MYO9A: variants seen among roughly 807,000 people sequenced by gnomAD.
MYO9A encodes unconventional myosin-IXa.
Under a neutral mutation model 293.3 loss-of-function variants are expected in MYO9A, and 103 were observed. The ratio of observed to expected loss-of-function variants is 0.35; its 90% CI spans 0.30 to 0.41. The LOEUF (loss-of-function observed/expected upper bound fraction) is 0.41. MYO9A is among the 10% of genes least tolerant of loss of function. MYO9A has a pLI of 1.00. For missense variants in MYO9A, 2,685 were observed against 3,033.0 expected (o/e 0.89, Z 2.69); for synonymous variants, 1,001 against 1,035.7 (o/e 0.97, Z 0.64).
rs573733248 is a variant in MYO9A, at chr15:72,093,853, C to T, written c.-72+23827G>A. Among the ~76,000 whole-genome samples the T allele has an allele frequency of 2.2e-5, 2 of 90,378 alleles. 1 individual carries two copies. Among genetic ancestry groups the T allele is most frequent in the East Asian group, 4.7e-4 (2 of 4,258 alleles). The allele number at this position is 90,378 out of a possible 152,430, so 59.3% of individuals were successfully genotyped here. Reference sequence around the variant, plus strand: ...AGTGAGCCGAGACTGTGCCACTGCACTCCAGCCTGGGCAACAGAGTGAGAC... The same window carrying T: ...AGTGAGCCGAGACTGTGCCACTGCATTCCAGCCTGGGCAACAGAGTGAGAC... On this transcript the variant is annotated intron_variant, in intron 1 of 41. Transcript: ENST00000356056.
Position 71,883,460 on chromosome 15 carries a change from T to C in MYO9A, c.5398+134A>G, listed in dbSNP as rs546028542. 8 of 909,416 alleles carry C rather than the reference T, an allele frequency of 8.8e-6. No individual in the cohort carries two copies. In the African/African-American group the frequency reaches 1.2e-4, roughly 13 times the overall value. The allele number at this position is 909,416 out of a possible 1,614,324, so 56.3% of individuals were successfully genotyped here. On this transcript the variant is annotated intron_variant, in intron 28 of 41. Transcript: ENST00000356056. ...TTTATTTTTTAGTTAAGGAAGGATT[T>C]AACAATGCTGGTCCTATCTCATTAG...
intron 2 of MYO9A, among the ~76,000 whole-genome samples, chr15:72,033,908 C>G (rs1442731707): frequency 6.6e-6 from 1 of 152,300 alleles, no homozygotes; most frequent in East Asian, 1.9e-4. Context: ...AGAGATGATT[C>G]ATTGCGGAGC....
At chr15:71,894,956 TATG>T in intron 25 of MYO9A, among the ~76,000 whole-genome samples, 2 of 152,324 alleles carry the variant, frequency 1.3e-5, no homozygotes, top group Non-Finnish European at 2.9e-5. Flanking sequence ...GACACTAACT[TATG>T]ATACTAGTTG....
intron 12 of MYO9A, among the ~76,000 whole-genome samples, chr15:71,973,932 C>T (rs1567335277): frequency 6.6e-6 from 1 of 152,126 alleles, no homozygotes; most frequent in African/African-American, 2.4e-5. Flanking sequence ...CTTCCAATGG[C>T]TATGTGGCAG....
At chr15:71,850,851 A>G (rs1170084074) in intron 37 of MYO9A, among the ~76,000 whole-genome samples, 1 of 150,706 alleles carries the variant, frequency 6.6e-6, no homozygotes, top group African/African-American at 2.4e-5. Flanking sequence ...TTTCTTCTCA[A>G]CTACTGCTGA....
chr15:71,892,375 A>G (rs2057202666), intron 26 of MYO9A: 1 of 152,200 alleles, frequency 6.6e-6, no homozygotes, highest in African/African-American at 2.4e-5. Flanking sequence ...GTGGAAAGTG[A>G]GGTGGAGGAA....
intron 8 of MYO9A, among the ~76,000 whole-genome samples, chr15:72,000,262 C>T (rs564050039): frequency 1.3e-5 from 2 of 152,282 alleles, no homozygotes; most frequent in African/African-American, 4.8e-5. Flanking sequence ...ATGCTGGAGG[C>T]AAGGACTAAA....
intron 16 of MYO9A, among the ~76,000 whole-genome samples, chr15:71,935,982 C>T (rs530235819): frequency 6.6e-6 from 1 of 151,714 alleles, no homozygotes; most frequent in African/African-American, 2.4e-5. Context: ...CTAAACATTG[C>T]AGATATAGCA....
At chr15:72,099,509 G>A (rs2080192339) in intron 1 of MYO9A, among the ~76,000 whole-genome samples, 1 of 151,562 alleles carries the variant, frequency 6.6e-6, no homozygotes, top group Non-Finnish European at 1.5e-5. Context: ...TCCTGAGGTG[G>A]TAGAATCACT....
rs1224710081 is a variant in MYO9A at position 71,991,244 on chromosome 15, A to C, written c.1588-7T>G. 2 of 1,569,294 alleles carry C rather than the reference A, an allele frequency of 1.3e-6. No individual in the cohort carries two copies. Among genetic ancestry groups the C allele is most frequent in the Non-Finnish European group, 1.7e-6 (2 of 1,159,432 alleles). Reference sequence around the variant, plus strand: ...GAACACCAATAGACAATGTCTGTAAAACAAGAGAAAGTTTTGATTAAAAGT... The same window carrying C: ...GAACACCAATAGACAATGTCTGTAACACAAGAGAAAGTTTTGATTAAAAGT... On this transcript the variant is annotated splice_polypyrimidine_tract_variant and splice_region_variant and intron_variant, in intron 10 of 41. Transcript: ENST00000356056.
chr15:72,113,389 A>G (rs2080851849), intron 1 of MYO9A, among the ~76,000 whole-genome samples: 1 of 152,226 alleles, frequency 6.6e-6, no homozygotes, highest in African/African-American at 2.4e-5. Flanking sequence ...CAAATGTAAA[A>G]GACGAGAGAG....
intron 1 of MYO9A, among the ~76,000 whole-genome samples, chr15:72,072,717 A>G (rs935071117): frequency 5.9e-5 from 9 of 152,186 alleles, no homozygotes; most frequent in Non-Finnish European, 1.3e-4. Context: ...ATAGATGGAC[A>G]TAAGGATGAA....
chr15:71,964,034 T>TATCC (rs2075810028), intron 13 of MYO9A, among the ~76,000 whole-genome samples: 2 of 152,232 alleles, frequency 1.3e-5, no homozygotes, highest in Non-Finnish European at 2.9e-5. Flanking sequence ...TAATGGAATT[T>TATCC]ATCCATTTTT....
chr15:72,098,258 C>T (rs944380630), intron 1 of MYO9A, among the ~76,000 whole-genome samples: 3 of 151,628 alleles, frequency 2.0e-5, no homozygotes, highest in Non-Finnish European at 4.4e-5. Context: ...TTCCACTGAC[C>T]ATGCCCTGAC....
At chr15:71,954,977 TAAAC>T (rs2059144549) in intron 14 of MYO9A, among the ~76,000 whole-genome samples, 1 of 152,234 alleles carries the variant, frequency 6.6e-6, no homozygotes, top group South Asian at 2.1e-4. Context: ...TTGATGAATT[TAAAC>T]AAACGTTTAC....
At chr15:71,990,089 A>ATTTT (rs71133942) in intron 11 of MYO9A, among the ~76,000 whole-genome samples, 2 of 142,978 alleles carry the variant, frequency 1.4e-5, no homozygotes, top group African/African-American at 5.2e-5. Flanking sequence ...TATATAAGCA[A>ATTTT]TTTTTTTTTT....
chr15:71,853,323 A>C (rs1214463921), intron 35 of MYO9A, among the ~76,000 whole-genome samples: 1 of 152,240 alleles, frequency 6.6e-6, no homozygotes, highest in Non-Finnish European at 1.5e-5. Flanking sequence ...AAGGACAGTG[A>C]TAACTGAGCT....
intron 1 of MYO9A, among the ~76,000 whole-genome samples, chr15:72,084,699 T>C (rs545548952): frequency 2.0e-5 from 3 of 152,298 alleles, no homozygotes; most frequent in African/African-American, 7.2e-5. Context: ...TTGAAAAGGA[T>C]CTTATTTCCC....
At chr15:72,081,671 T>A (rs1250088988) in intron 1 of MYO9A, among the ~76,000 whole-genome samples, 1 of 152,202 alleles carries the variant, frequency 6.6e-6, no homozygotes, top group East Asian at 1.9e-4. Flanking sequence ...TTTTTACAGT[T>A]TTAGGTTTTA....
Sources: gnomAD v4.1 joint callset for allele counts (sites outside exome capture counted in the v4.1 genomes callset) on GRCh38, gnomAD v4.1.1 for gene constraint, MANE v1.5 for transcripts, NCBI Gene and HGNC (gene_info 2026-07-23, HGNC 2026-07-21) for gene names.